ARHGAP15: variants seen among roughly 807,000 people sequenced by gnomAD.
ARHGAP15 encodes rho GTPase-activating protein 15.
Under a neutral mutation model 63.7 loss-of-function variants are expected in ARHGAP15, and 51 were observed. The ratio of observed to expected loss-of-function variants is 0.80; its 90% CI spans 0.64 to 1.01. ARHGAP15 has a LOEUF of 1.01. Ranked by LOEUF, ARHGAP15 falls within the 50% of genes least tolerant of loss-of-function variation. The pLI is 0.00. For missense variants in ARHGAP15, 560 were observed against 564.6 expected (o/e 0.99, Z 0.08); for synonymous variants, 191 against 193.8 (o/e 0.99, Z 0.12).
At chr2:143,456,328 G>A (rs1160818651) in intron 8 of ARHGAP15, among the ~76,000 whole-genome samples, 1 of 151,934 alleles carries the variant, frequency 6.6e-6, no homozygotes, top group Non-Finnish European at 1.5e-5. Flanking sequence ...AAATGACAGA[G>A]GGCAACTTAA....
chr2:143,693,235 T>C (rs997392623), intron 12 of ARHGAP15, among the ~76,000 whole-genome samples: 2 of 152,124 alleles, frequency 1.3e-5, no homozygotes, highest in African/African-American at 4.8e-5. Context: ...CACAAAGCAA[T>C]GGGAAAACAC....
chr2:143,318,706 T>A (rs1017754376), intron 6 of ARHGAP15, among the ~76,000 whole-genome samples: 1 of 152,072 alleles, frequency 6.6e-6, no homozygotes, highest in African/African-American at 2.4e-5. Flanking sequence ...CCTGGTAGGA[T>A]CATGATGAGG....
chr2:143,718,325 G>A (rs1409835925), intron 13 of ARHGAP15, among the ~76,000 whole-genome samples: 1 of 152,128 alleles, frequency 6.6e-6, no homozygotes, highest in African/African-American at 2.4e-5. Flanking sequence ...TCCCTAGGGG[G>A]CAAAGAAAGG....
chr2:143,200,776 T>TA (rs1237311364), intron 2 of ARHGAP15, among the ~76,000 whole-genome samples: 1 of 152,098 alleles, frequency 6.6e-6, no homozygotes, highest in African/African-American at 2.4e-5. Flanking sequence ...TAAAAGTACA[T>TA]AAGAAAGTGT....
At position 143,495,613 on chromosome 2, in the gene ARHGAP15, T is replaced by C. The variant is rs527478699; in HGVS notation, c.826+8118T>C. On this transcript the variant is annotated intron_variant, in intron 9 of 13. Coordinates refer to ENST00000295095, the MANE Select transcript of ARHGAP15 (RefSeq NM_018460.4). ...AGTTCTTTTAAAAATATGTCAATTA[T>C]GTTGAGAAACAAAAAAAAGATTTGT... is the stretch of plus-strand genomic sequence containing the variant. 5.8e-4 allele frequency among the ~76,000 whole-genome samples: 88 copies of C among 152,224 alleles called. 1 individual carries two copies. The highest frequency in any genetic ancestry group is 7.3e-5 in the Non-Finnish European group (5 of 68,028).
intron 5 of ARHGAP15, chr2:143,238,344 T>A (rs1288200129): frequency 2.6e-5 from 4 of 151,482 alleles, no homozygotes; most frequent in Admixed American, 2.6e-4. Context: ...TAAACAAATG[T>A]ACAAGAAAAA....
chr2:143,211,396 G>A lies in ARHGAP15; in HGVS notation c.235-4988G>A, dbSNP rs149451281. 2.0e-5 allele frequency among the ~76,000 whole-genome samples: 3 copies of A among 152,038 alleles called. No homozygotes were observed. The East Asian group carries it at 5.8e-4, about 29-fold the overall frequency. On this transcript the variant is annotated intron_variant, in intron 3 of 13. Coordinates refer to ENST00000295095, the MANE Select transcript of ARHGAP15 (RefSeq NM_018460.4). ...AGAAGGAAAGTGAAGCATCATTTGGGGGTAAAATAATGTAACCAAATGTGT... is the reference window on the plus strand; with the variant it reads ...AGAAGGAAAGTGAAGCATCATTTGGAGGTAAAATAATGTAACCAAATGTGT...
At chr2:143,468,371 A>G (rs1263291654) in intron 8 of ARHGAP15, among the ~76,000 whole-genome samples, 1 of 152,098 alleles carries the variant, frequency 6.6e-6, no homozygotes, top group Non-Finnish European at 1.5e-5. Flanking sequence ...GTGGAAAAAA[A>G]AGCTGAAACT....
chr2:143,739,365 T>C (rs1393452558), intron 13 of ARHGAP15, among the ~76,000 whole-genome samples: 1 of 151,814 alleles, frequency 6.6e-6, no homozygotes, highest in Non-Finnish European at 1.5e-5. Context: ...AGAAAGGCCA[T>C]TTGGGAAAAC....
intron 9 of ARHGAP15, among the ~76,000 whole-genome samples, chr2:143,498,058 C>T (rs1314433416): frequency 6.6e-6 from 1 of 152,136 alleles, no homozygotes; most frequent in Admixed American, 6.6e-5. Flanking sequence ...TAAGAGAGTG[C>T]TCTTTTATTT....
intron 11 of ARHGAP15, among the ~76,000 whole-genome samples, chr2:143,616,569 A>G (rs538192623): frequency 1.3e-5 from 2 of 152,322 alleles, no homozygotes; most frequent in South Asian, 4.1e-4. Context: ...GTTCAGAAAT[A>G]AAAGCTTTTA....
At chr2:143,375,387 C>A (rs1219401552) in intron 6 of ARHGAP15, among the ~76,000 whole-genome samples, 2 of 152,094 alleles carry the variant, frequency 1.3e-5, no homozygotes, top group East Asian at 3.9e-4. Context: ...ACTTTTATGG[C>A]CTGAAAGTAA....
At chr2:143,508,520 T>G (rs4233565) in intron 9 of ARHGAP15, among the ~76,000 whole-genome samples, 1 of 152,026 alleles carries the variant, frequency 6.6e-6, no homozygotes, top group Admixed American at 6.6e-5. Context: ...AAAATACTCA[T>G]AGATGGTTAG....
intron 2 of ARHGAP15, among the ~76,000 whole-genome samples, chr2:143,200,222 C>G (rs1264500519): frequency 6.6e-6 from 1 of 152,072 alleles, no homozygotes; most frequent in Non-Finnish European, 1.5e-5. Flanking sequence ...GAGTCTGTTC[C>G]TTCTCAATTA....
intron 6 of ARHGAP15, among the ~76,000 whole-genome samples, chr2:143,413,495 TATTG>T (rs1688532325): frequency 1.3e-5 from 2 of 152,162 alleles, no homozygotes; most frequent in African/African-American, 4.8e-5. Flanking sequence ...AATTAATTTT[TATTG>T]ATTGATTCAG....
intron 6 of ARHGAP15, among the ~76,000 whole-genome samples, chr2:143,431,285 T>C (rs1276610282): frequency 6.6e-6 from 1 of 152,064 alleles, no homozygotes; most frequent in East Asian, 1.9e-4. Flanking sequence ...ATCAAGATCT[T>C]TGTAATCTCT....
At chr2:143,258,821 ACC>A (rs1680559339) in intron 6 of ARHGAP15, among the ~76,000 whole-genome samples, 2 of 152,088 alleles carry the variant, frequency 1.3e-5, no homozygotes, top group Non-Finnish European at 2.9e-5. Flanking sequence ...TAGATTCTTG[ACC>A]TCAGCCTCAT....
chr2:143,273,627 A>G (rs980139333), intron 6 of ARHGAP15, among the ~76,000 whole-genome samples: 1 of 151,768 alleles, frequency 6.6e-6, no homozygotes, highest in Admixed American at 6.5e-5. Flanking sequence ...CTTATGCCAT[A>G]TGTTGCATGA....
Position 143,432,443 on chromosome 2 carries a change from A to G in ARHGAP15, c.475-3158A>G, listed in dbSNP as rs1317027363. On this transcript the variant is annotated intron_variant, in intron 6 of 13. Coordinates refer to ENST00000295095, the MANE Select transcript of ARHGAP15 (RefSeq NM_018460.4). The stretch of plus-strand genomic sequence containing the variant: ...TTTTAAATTAGCATAGTAAAGCTCC[A>G]TTTAATTAAAATCTAAAACGCAAAT... Among the ~76,000 whole-genome samples, 4 of 152,186 alleles carry G rather than the reference A, an allele frequency of 2.6e-5. No individual in the cohort carries two copies. The East Asian group carries it at 5.8e-4, about 22-fold the overall frequency.
Sources: gnomAD v4.1 joint callset for allele counts (sites outside exome capture counted in the v4.1 genomes callset) on GRCh38, gnomAD v4.1.1 for gene constraint, MANE v1.5 for transcripts, NCBI Gene and HGNC (gene_info 2026-07-23, HGNC 2026-07-21) for gene names.